BLNK: variants seen among roughly 807,000 people sequenced by gnomAD.
BLNK encodes the protein B-cell linker protein.
In BLNK, 29 loss-of-function variants were observed where a neutral mutation model predicts 73.5. That is an observed-to-expected ratio of 0.39 (90% confidence interval 0.29 to 0.54). The LOEUF (loss-of-function observed/expected upper bound fraction) is 0.54, where lower values mean the gene tolerates loss of function less well. Among genes scored for constraint, BLNK ranks in the 20% least tolerant of loss-of-function variants. The probability of loss-of-function intolerance (pLI) is 0.61; values close to 1 mark genes in which losing one functional copy is unlikely to be tolerated. For missense variants in BLNK, 460 were observed against 562.8 expected, an observed-to-expected ratio of 0.82 and a Z score of 1.85; for synonymous variants, 176 against 200.8, an observed-to-expected ratio of 0.88 and a Z score of 1.04.
rs2083727292 is a variant in BLNK at position 96,204,002 on chromosome 10, C to T, written c.934+55G>A. On this transcript the variant is annotated intron_variant, in intron 13 of 16. Coordinates refer to ENST00000224337, the MANE Select transcript of BLNK (RefSeq NM_013314.4). ...TGTTAGAACCCAGGCCTATCAGACT[C>T]TAGGATCCAGCCTCGACCACTCCCT... 2.0e-6 allele frequency: 3 copies of T among 1,504,980 alleles called. No homozygotes were observed. The African/African-American group carries it at 4.1e-5, about 21-fold the overall frequency. The allele number at this position is 1,504,980 out of a possible 1,614,324, so 93.2% of individuals were successfully genotyped here. A position where few individuals can be genotyped will look rare whatever the true frequency, so the allele number is the denominator to read the frequency against.
chr10:96,229,066 T>C (rs974647643), intron 4 of BLNK, among the ~76,000 whole-genome samples: 7 of 152,218 alleles, frequency 4.6e-5, no homozygotes, highest in African/African-American at 1.7e-4. Flanking sequence ...CAAGCATTCA[T>C]TTTTTGTGTG....
At position 96,216,720 on chromosome 10, in the gene BLNK, G is replaced by A. The variant is rs781885345; in HGVS notation, c.540C>T (p.Val180=). The A allele has an allele frequency of 1.2e-5, 20 of 1,613,838 alleles. No individual in the cohort carries two copies. The South Asian group carries it at 2.0e-4, about 16-fold the overall frequency. The change falls in exon 7 of 17, where the codon GTC becomes GTT. Residue 180 remains valine, a synonymous_variant. Coordinates refer to ENST00000224337, the MANE Select transcript of BLNK (RefSeq NM_013314.4). ...GLLEDEADYV[V]PVEDNDENYI... The stretch of plus-strand genomic sequence containing the variant: ...AGTTTTCATCATTATCTTCCACGGG[G>A]ACCACATAATCAGCCTAACAGAAAT...
chr10:96,227,955 G>A (rs200251045), intron 4 of BLNK, among the ~76,000 whole-genome samples: 1 of 115,292 alleles, frequency 8.7e-6, no homozygotes, highest in Non-Finnish European at 1.7e-5. Context: ...AGAGAAAATA[G>A]GTTTAATACG....
chr10:96,196,431 G>A (rs1354888589), intron 16 of BLNK, among the ~76,000 whole-genome samples: 3 of 151,408 alleles, frequency 2.0e-5, no homozygotes, highest in African/African-American at 7.3e-5. Context: ...TTTTTTTCTT[G>A]CTCCAGGCCC....
At position 96,200,020 on chromosome 10, in the gene BLNK, A is replaced by G; in HGVS notation, c.1095+55T>C. On this transcript the variant is annotated intron_variant, in intron 15 of 16. Coordinates refer to ENST00000224337, the MANE Select transcript of BLNK (RefSeq NM_013314.4). The surrounding 1 kb of genome is among the most constrained non-coding windows in gnomAD (Gnocchi z 4.3). ...TCCAGTGAAACTGCATCATCTCAAA[A>G]CAAATAAATAAAATAAAATAAAATA... is the stretch of plus-strand genomic sequence containing the variant. 1 of 1,251,172 alleles carries G rather than the reference A, an allele frequency of 8.0e-7. No individual in the cohort carries two copies. The highest frequency in any genetic ancestry group is 1.0e-6 in the Non-Finnish European group (1 of 965,294). The allele number at this position is 1,251,172 out of a possible 1,614,324, so 77.5% of individuals were successfully genotyped here.
intron 8 of BLNK, among the ~76,000 whole-genome samples, chr10:96,213,470 T>C (rs2083993384): frequency 6.6e-6 from 1 of 151,790 alleles, no homozygotes; most frequent in South Asian, 2.1e-4. Context: ...ACCAGAGGAG[T>C]CTTCCTGGAG....
Position 96,209,922 on chromosome 10 carries a change from A to C in BLNK, c.677-15T>G, listed in dbSNP as rs782410765. ...ACTGTTTCGACCTGCACAAACATAT[A>C]CACTACTCAGTCCCCAAGTCCTGAG... On this transcript the variant is annotated splice_polypyrimidine_tract_variant and intron_variant, in intron 8 of 16. Coordinates refer to ENST00000224337, the MANE Select transcript of BLNK (RefSeq NM_013314.4). 2.3e-5 allele frequency: 37 copies of C among 1,614,028 alleles called. No homozygotes were observed. The South Asian group carries it at 4.0e-4, about 17-fold the overall frequency.
chr10:96,194,973 G>T (rs990106427), intron 16 of BLNK, among the ~76,000 whole-genome samples: 1 of 151,536 alleles, frequency 6.6e-6, no homozygotes, highest in African/African-American at 2.4e-5. Context: ...GTTTCACCGT[G>T]TTAGCCAGGA....
intron 16 of BLNK, among the ~76,000 whole-genome samples, chr10:96,195,199 T>C (rs797026898): frequency 4.1e-4 from 63 of 152,314 alleles, no homozygotes; most frequent in South Asian, 2.1e-3. Context: ...TAAACCCTCG[T>C]GTGCTGTTGG....
chr10:96,265,242 C>T (rs1316453809), intron 1 of BLNK, among the ~76,000 whole-genome samples: 1 of 151,822 alleles, frequency 6.6e-6, no homozygotes, highest in Admixed American at 6.6e-5. Context: ...CCTCAGCCTC[C>T]CAAAGTGCTG....
In BLNK at chr10:96,200,214, C is replaced by A; in HGVS notation, c.1012-56G>T. 3.4e-6 allele frequency: 5 copies of A among 1,461,504 alleles called. No homozygotes were observed. The highest frequency in any genetic ancestry group is 3.8e-6 in the Non-Finnish European group (4 of 1,043,510). The allele number at this position is 1,461,504 out of a possible 1,614,324, so 90.5% of individuals were successfully genotyped here. On this transcript the variant is annotated intron_variant, in intron 14 of 16. Transcript: ENST00000224337. The surrounding 1 kb of genome is among the most constrained non-coding windows in gnomAD (Gnocchi z 4.3). The stretch of plus-strand genomic sequence containing the variant: ...GATGGTCCCTACTTAACTCTAATTT[C>A]TGTGTACTAGAAACAAAGACCCATT...
chr10:96,265,747 T>C (rs947597727), intron 1 of BLNK, among the ~76,000 whole-genome samples: 10 of 152,366 alleles, frequency 6.6e-5, no homozygotes, highest in Admixed American at 3.3e-4. Flanking sequence ...GAATATTTGC[T>C]TATTGTTCTG....
chr10:96,202,098 A>T (rs2083658018), intron 13 of BLNK, among the ~76,000 whole-genome samples: 1 of 152,178 alleles, frequency 6.6e-6, no homozygotes, highest in African/African-American at 2.4e-5. Flanking sequence ...CCTGGAGTAC[A>T]GTAAGAAAAG....
intron 1 of BLNK, among the ~76,000 whole-genome samples, chr10:96,253,027 G>A (rs1245429973): frequency 1.3e-5 from 2 of 152,092 alleles, no homozygotes; most frequent in African/African-American, 4.8e-5. Flanking sequence ...GTCTTCCCGG[G>A]GCCTCCTGGT....
At chr10:96,264,609 T>C (rs572607971) in intron 1 of BLNK, among the ~76,000 whole-genome samples, 1 of 152,080 alleles carries the variant, frequency 6.6e-6, no homozygotes, top group East Asian at 1.9e-4. Flanking sequence ...CGGGGAGACA[T>C]AGAAATGCTT....
chr10:96,203,845 A>G, intron 13 of BLNK: 3 of 430,666 alleles, frequency 7.0e-6, no homozygotes, highest in South Asian at 1.1e-4. Flanking sequence ...TACTAAAAAA[A>G]GTAAAAATTG....
At chr10:96,195,919 A>G (rs1283701526) in intron 16 of BLNK, among the ~76,000 whole-genome samples, 1 of 152,208 alleles carries the variant, frequency 6.6e-6, no homozygotes, top group East Asian at 1.9e-4. Flanking sequence ...CAGTTGCTTA[A>G]TAATTATTTA....
intron 3 of BLNK, among the ~76,000 whole-genome samples, chr10:96,233,960 G>A (rs1842603775): frequency 1.3e-5 from 2 of 152,232 alleles, no homozygotes; most frequent in South Asian, 4.1e-4. Flanking sequence ...TGGGTGCCAG[G>A]CTAAGTGTTA....
At chr10:96,250,184 G>A (rs1327950900) in intron 1 of BLNK, among the ~76,000 whole-genome samples, 1 of 152,164 alleles carries the variant, frequency 6.6e-6, no homozygotes, top group East Asian at 1.9e-4. Flanking sequence ...GGGCTCAGTA[G>A]CAAAGAGAAA....
Sources: allele counts gnomAD v4.1 joint callset (sites outside exome capture counted in the v4.1 genomes callset), GRCh38; gene constraint gnomAD v4.1.1; non-coding constraint Gnocchi (gnomAD v3.1); transcripts MANE v1.5; gene names NCBI Gene and HGNC (gene_info 2026-07-23, HGNC 2026-07-21).